The following ATP13A4 variants were observed in gnomAD, a reference collection of about 807,000 sequenced individuals.
ATP13A4 encodes probable cation-transporting ATPase 13A4.
A neutral mutation model predicts 142.5 loss-of-function variants in ATP13A4; 114 were observed. That is an observed-to-expected ratio of 0.80 (90% CI 0.69 to 0.93). ATP13A4 has a LOEUF of 0.93. ATP13A4 is among the 40% of genes least tolerant of loss of function. The probability of loss-of-function intolerance (pLI) is 0.00; values close to 1 mark genes in which losing one functional copy is unlikely to be tolerated. For synonymous variants in ATP13A4, 488 were observed against 514.8 expected (o/e 0.95, Z 0.70); for missense variants, 1,392 against 1,454.0 (o/e 0.96, Z 0.69).
At chr3:193,583,525 A>C in intron 1 of ATP13A4, among the ~76,000 whole-genome samples, 1 of 152,180 alleles carries the variant, frequency 6.6e-6, no homozygotes. Flanking sequence ...TAATAGAAGG[A>C]GATCTCATAT....
chr3:193,535,867 A>G (rs933598985), intron 1 of ATP13A4, among the ~76,000 whole-genome samples: 1 of 152,138 alleles, frequency 6.6e-6, no homozygotes, highest in Non-Finnish European at 1.5e-5. Flanking sequence ...CTACACATAT[A>G]AATTTGACAA....
intron 10 of ATP13A4, among the ~76,000 whole-genome samples, chr3:193,466,944 AAAATGG>A (rs1718325413): frequency 6.6e-6 from 1 of 152,220 alleles, no homozygotes; most frequent in African/African-American, 2.4e-5. Context: ...GGTCCAAAAA[AAAATGG>A]AAAGAATGAA....
intron 27 of ATP13A4, 112 bp downstream of exon 27, chr3:193,412,066 T>C: frequency 4.2e-6 from 4 of 954,224 alleles, no homozygotes; most frequent in Non-Finnish European, 6.8e-6. Context: ...AGAGTGGAAG[T>C]CAAGAGATGC....
chr3:193,582,573 A>T (rs1227139791), intron 1 of ATP13A4, among the ~76,000 whole-genome samples: 5 of 133,636 alleles, frequency 3.7e-5, no homozygotes, highest in African/African-American at 1.4e-4. Flanking sequence ...TAATACATAT[A>T]ATATATATTA....
intron 7 of ATP13A4, among the ~76,000 whole-genome samples, chr3:193,486,602 A>T (rs915870641): frequency 6.6e-6 from 1 of 152,214 alleles, no homozygotes; most frequent in Non-Finnish European, 1.5e-5. Flanking sequence ...ATTTGAGGAG[A>T]AGAGTTCTTG....
chr3:193,506,660 G>T (rs1201078401), intron 2 of ATP13A4, among the ~76,000 whole-genome samples: 1 of 152,192 alleles, frequency 6.6e-6, no homozygotes, highest in African/African-American at 2.4e-5. Context: ...CATGTCATGG[G>T]AGGGACCCAG....
Position 193,433,901 on chromosome 3 carries a change from G to C in ATP13A4, c.2786C>G (p.Ser929Ter). 6.2e-7 allele frequency: 1 copy of C among 1,613,680 alleles called. No homozygotes were observed. The highest frequency in any genetic ancestry group is 8.5e-7 in the Non-Finnish European group (1 of 1,179,598). ...ATCCTGGAACAGAAACTGGTAATTT[G>C]AAAGGCTGTTTGTCTCCTGAAAATA... is the stretch of plus-strand genomic sequence containing the variant. ...LLLYWETNSL[S>*]NYQFLFQDLA... The change falls in exon 25 of 30, where the codon TCA (serine) becomes TGA (stop). Residue 929 changes from serine (S) to a stop codon, truncating the protein, a stop_gained. Coordinates refer to ENST00000342695, the MANE Select transcript of ATP13A4 (RefSeq NM_032279.4). LOFTEE classifies it high-confidence loss of function.
intron 18 of ATP13A4, among the ~76,000 whole-genome samples, chr3:193,443,386 A>G (rs1383853360): frequency 6.6e-6 from 1 of 152,220 alleles, no homozygotes; most frequent in Non-Finnish European, 1.5e-5. Flanking sequence ...CGTTTGTGAG[A>G]GTAACCTCTG....
In ATP13A4 at chr3:193,407,398, C is replaced by A. The variant is rs375684599; in HGVS notation, c.3298-5G>T. On this transcript the variant is annotated splice_region_variant and splice_polypyrimidine_tract_variant and intron_variant, in intron 28 of 29. Transcript: ENST00000342695. ...CAGGACGGGAGTGCAGAGCAGCTGG[C>A]GGGAGATGATGAAGCACAGTTAGTC... 1.2e-6 allele frequency: 2 copies of A among 1,608,902 alleles called. No homozygotes were observed. Among genetic ancestry groups the A allele is most frequent in the Non-Finnish European group, 1.7e-6 (2 of 1,175,756 alleles).
intron 28 of ATP13A4, among the ~76,000 whole-genome samples, chr3:193,407,644 T>C (rs796775536): frequency 1.2e-4 from 18 of 152,328 alleles, no homozygotes; most frequent in African/African-American, 4.3e-4. Flanking sequence ...TTTATCTTTT[T>C]TTCTTCTTGT....
chr3:193,471,480 G>A (rs1283534829), intron 8 of ATP13A4, among the ~76,000 whole-genome samples: 3 of 152,044 alleles, frequency 2.0e-5, no homozygotes, highest in Non-Finnish European at 1.5e-5. Flanking sequence ...GGAGGTTGAG[G>A]TGGGAACATT....
chr3:193,527,512 G>A (rs9834288), intron 1 of ATP13A4, among the ~76,000 whole-genome samples: 2 of 151,782 alleles, frequency 1.3e-5, no homozygotes, highest in East Asian at 1.9e-4. Context: ...CTTGGGAAGC[G>A]GAGGCATGAG....
chr3:193,538,356 G>A (rs1299852035), intron 1 of ATP13A4, among the ~76,000 whole-genome samples: 2 of 152,126 alleles, frequency 1.3e-5, no homozygotes, highest in African/African-American at 2.4e-5. Context: ...AAAGGTCCAT[G>A]TGACCTCAAA....
intron 25 of ATP13A4, chr3:193,416,987 C>G (rs184842843): frequency 2.0e-4 from 31 of 152,296 alleles, no homozygotes; most frequent in African/African-American, 7.5e-4. Flanking sequence ...ATAAGTGACA[C>G]ATCACCTATA....
In ATP13A4 at chr3:193,465,069, C is replaced by T. The variant is rs771118874; in HGVS notation, c.1332G>A (p.Pro444=). ...ALDVITIAVP[P]ALPAALTTGI... ...CTGTGGTCAGAGCAGCAGGTAGAGC[C>T]GGAGGAACCGCAATTGTGATGACGT... Residue 444 remains proline, a synonymous_variant, in exon 12 of 30, where the codon CCG becomes CCA. Coordinates refer to ENST00000342695, the MANE Select transcript of ATP13A4 (RefSeq NM_032279.4). The T allele has an allele frequency of 4.9e-5, 79 of 1,613,982 alleles. No homozygotes were observed. The highest frequency in any genetic ancestry group is 1.6e-4 in the East Asian group (7 of 44,892).
At chr3:193,582,305 C>T (rs570776831) in intron 1 of ATP13A4, among the ~76,000 whole-genome samples, 2 of 149,538 alleles carry the variant, frequency 1.3e-5, no homozygotes, top group Non-Finnish European at 3.0e-5. Context: ...CACACCACTA[C>T]GCCCAGCTAA....
chr3:193,455,902 T>C (rs1034446241), intron 16 of ATP13A4, among the ~76,000 whole-genome samples: 2 of 152,158 alleles, frequency 1.3e-5, no homozygotes, highest in Admixed American at 1.3e-4. Context: ...TGGATGGAGC[T>C]GGAGGTCATT....
chr3:193,461,749 C>G (rs1717956201), intron 13 of ATP13A4, among the ~76,000 whole-genome samples: 1 of 152,192 alleles, frequency 6.6e-6, no homozygotes, highest in Non-Finnish European at 1.5e-5. Context: ...TCAAACAAAA[C>G]ATAAACGTCA....
chr3:193,489,669 A>G (rs1201402906), intron 7 of ATP13A4, 61 bp downstream of exon 7: 1 of 1,545,218 alleles, frequency 6.5e-7, no homozygotes, highest in Non-Finnish European at 8.9e-7. Flanking sequence ...TTTCTAACAA[A>G]TTTTTAATAA....
Sources: gnomAD v4.1 joint callset for allele counts (sites outside exome capture counted in the v4.1 genomes callset) on GRCh38, gnomAD v4.1.1 for gene constraint, MANE v1.5 for transcripts, NCBI Gene and HGNC (gene_info 2026-07-23, HGNC 2026-07-21) for gene names.